DPEP1: variants seen among roughly 807,000 people sequenced by gnomAD.
DPEP1 encodes beta-lactamase.
In DPEP1, 50 loss-of-function variants were observed where a neutral mutation model predicts 42.3. The ratio of observed to expected loss-of-function variants is 1.18; its 90% confidence interval spans 0.94 to 1.50. The LOEUF is 1.50. DPEP1 is among the 40% of genes most tolerant of loss of function. DPEP1 has a pLI of 0.00. For synonymous variants in DPEP1, 297 were observed against 234.0 expected (o/e 1.27, Z -2.46); for missense variants, 663 against 553.0 (o/e 1.20, Z -1.99).
At chr16:89,634,628 CCCTTCCTTCCCTTT>C (rs2059639150) in intron 2 of DPEP1, among the ~76,000 whole-genome samples, 1 of 111,756 alleles carries the variant, frequency 8.9e-6, no homozygotes, top group Non-Finnish European at 1.8e-5. Flanking sequence ...CTTCTCCTTT[CCCTTCCTTCCCTTT>C]CCCTTCCTTC....
At position 89,638,323 on chromosome 16, in the gene DPEP1, G is replaced by C. The variant is rs1445675852; in HGVS notation, c.*101G>C. On this transcript the variant is annotated 3_prime_UTR_variant, in exon 11 of 11. Coordinates refer to ENST00000690203, the MANE Select transcript of DPEP1 (RefSeq NM_001389466.1). ...CAGGAGCCCTGCTGCCCACATGCAA[G>C]GACCAGCATCTCCTGAGAGGACGCC... 3 of 1,441,798 alleles carry C rather than the reference G, an allele frequency of 2.1e-6. No homozygotes were observed. The highest frequency in any genetic ancestry group is 5.0e-5 in the East Asian group (2 of 39,900). 89.3% of individuals were successfully genotyped at this position (1,441,798 alleles called of 1,614,324 possible). A position where few individuals can be genotyped will look rare whatever the true frequency, so the allele number is the denominator to read the frequency against.
intron 1 of DPEP1, among the ~76,000 whole-genome samples, chr16:89,624,381 T>C (rs1215410820): frequency 6.6e-6 from 1 of 152,030 alleles, no homozygotes; most frequent in African/African-American, 2.4e-5. Context: ...TGGACCGTAA[T>C]AGTCCATGTC....
In DPEP1 at chr16:89,635,953, G is replaced by T. The variant is rs1447890302; in HGVS notation, c.150G>T (p.Arg50=). 21 of 1,611,842 alleles carry T rather than the reference G, an allele frequency of 1.3e-5. No homozygotes were observed. The highest frequency in any genetic ancestry group is 1.6e-5 in the Non-Finnish European group (19 of 1,179,594). ...PWQLLDMFNN[R]LQDERANLTT... The stretch of plus-strand genomic sequence containing the variant: ...AGCTGCTGGATATGTTCAACAACCG[G>T]CTGCAGGACGAGAGGGCCAACCTGA... The change falls in exon 3 of 11, where the codon CGG becomes CGT. Residue 50 remains arginine (R), a synonymous_variant. Transcript: ENST00000690203.
In DPEP1 at chr16:89,638,402, T is replaced by C. The variant is rs2059712609; in HGVS notation, c.*180T>C. 1.5e-6 allele frequency: 2 copies of C among 1,356,894 alleles called. No individual in the cohort carries two copies. The highest frequency in any genetic ancestry group is 3.0e-5 in the African/African-American group (2 of 67,554). 84.1% of individuals were successfully genotyped at this position (1,356,894 alleles called of 1,614,324 possible). A position where few individuals can be genotyped will look rare whatever the true frequency, so the allele number is the denominator to read the frequency against. ...GGGACAGTTCAGGACACACACACAGTAGGCCCGCAATAAAAGCAACACCCC... is the reference window on the plus strand; with the variant it reads ...GGGACAGTTCAGGACACACACACAGCAGGCCCGCAATAAAAGCAACACCCC... On this transcript the variant is annotated 3_prime_UTR_variant, in exon 11 of 11. Coordinates refer to ENST00000690203, the MANE Select transcript of DPEP1 (RefSeq NM_001389466.1).
At chr16:89,636,741 C>T in intron 5 of DPEP1, 58 bp downstream of exon 5, 3 of 1,604,004 alleles carry the variant, frequency 1.9e-6, no homozygotes, top group Non-Finnish European at 1.7e-6. Flanking sequence ...GGGGCAGACA[C>T]TCCCTGCCAC....
At position 89,630,430 on chromosome 16, in the gene DPEP1, T is replaced by C. The variant is rs776314990; in HGVS notation, c.20T>C (p.Leu7Pro). The C allele has an allele frequency of 4.3e-6, 7 of 1,610,596 alleles. No homozygotes were observed. In the South Asian group the frequency reaches 7.7e-5, roughly 18 times the overall value. ...CCCACCATGTGGAGCGGATGGTGGC[T>C]GTGGCCCCTTGTGGCCGTCTGCACT... is the stretch of plus-strand genomic sequence containing the variant. MWSGWW[L>P]WPLVAVCTAD... The change falls in exon 2 of 11, where the codon CTG (leucine) becomes CCG (proline). Residue 7 changes from leucine (L) to proline (P), a missense_variant. By Grantham distance (98) the Leu-to-Pro change is moderately conservative. Transcript: ENST00000690203.
At chr16:89,636,073 G>C in intron 3 of DPEP1, 33 bp downstream of exon 3, 2 of 1,587,656 alleles carry the variant, frequency 1.3e-6, no homozygotes, top group Non-Finnish European at 1.7e-6. Context: ...CTTGCCCTGT[G>C]TGGGGTCATC....
intron 1 of DPEP1, among the ~76,000 whole-genome samples, chr16:89,628,478 G>A (rs528684671): frequency 2.0e-5 from 3 of 148,678 alleles, no homozygotes; most frequent in African/African-American, 5.0e-5. Context: ...GGCTGATCTC[G>A]AACTCCTGAC....
Position 89,637,689 on chromosome 16 carries a change from A to T in DPEP1, c.911A>T (p.Asp304Val), listed in dbSNP as rs1237980530. The T allele has an allele frequency of 6.2e-7, 1 of 1,612,810 alleles. No individual in the cohort carries two copies. The highest frequency in any genetic ancestry group is 1.1e-5 in the South Asian group (1 of 91,078). ...AGARAVGFGGDFDGVPRVPEG... is the reference protein window; with the variant it reads ...AGARAVGFGGVFDGVPRVPEG... Reference sequence around the variant, plus strand: ...GCCAGAGCCGTGGGTTTTGGTGGGGACTTTGATGGTGTTCCAAGGTAAGGG... The same window carrying T: ...GCCAGAGCCGTGGGTTTTGGTGGGGTCTTTGATGGTGTTCCAAGGTAAGGG... The change falls in exon 9 of 11, where the codon GAC (aspartate) becomes GTC (valine). Residue 304 changes from aspartate (D) to valine (V), a missense_variant. By Grantham distance (152) the Asp-to-Val change is radical. Coordinates refer to ENST00000690203, the MANE Select transcript of DPEP1 (RefSeq NM_001389466.1).
chr16:89,626,618 T>G (rs1302985514), intron 1 of DPEP1: 1 of 152,126 alleles, frequency 6.6e-6, no homozygotes, highest in Non-Finnish European at 1.5e-5. Flanking sequence ...CCAAAGTGCT[T>G]GGATCACGCG....
chr16:89,615,953 G>A (rs1264253154), intron 1 of DPEP1, among the ~76,000 whole-genome samples: 3 of 152,082 alleles, frequency 2.0e-5, no homozygotes, highest in Non-Finnish European at 2.9e-5. Flanking sequence ...GGGCTCAGGC[G>A]TCCCCTACGT....
chr16:89,616,714 G>A (rs192746416), intron 1 of DPEP1, among the ~76,000 whole-genome samples: 44 of 152,040 alleles, frequency 2.9e-4, no homozygotes, highest in Admixed American at 9.9e-4. Flanking sequence ...GAAGGGCAGT[G>A]CAAACGCACG....
chr16:89,640,648 C>T, downstream of DPEP1: 1 of 985,364 alleles, frequency 1.0e-6, no homozygotes, highest in Non-Finnish European at 1.2e-6. Context: ...GTCTGTTCCC[C>T]TCCCAGCCTG....
intron 2 of DPEP1, among the ~76,000 whole-genome samples, chr16:89,632,822 C>T (rs2059607010): frequency 6.6e-6 from 1 of 152,012 alleles, no homozygotes; most frequent in African/African-American, 2.4e-5. Flanking sequence ...CTTTGGGAGA[C>T]CGAGGTGGGA....
At chr16:89,635,776 G>T in intron 2 of DPEP1, 132 bp from the exon 3 acceptor site, 2 of 1,258,172 alleles carry the variant, frequency 1.6e-6, no homozygotes, top group Non-Finnish European at 2.1e-6. Flanking sequence ...TCACCCCCGC[G>T]GCCTAGACTT....
intron 1 of DPEP1, among the ~76,000 whole-genome samples, chr16:89,616,610 G>C (rs980194761): frequency 3.9e-5 from 6 of 152,314 alleles, no homozygotes; most frequent in African/African-American, 1.4e-4. Flanking sequence ...CAGGATTCCC[G>C]GGTGGCTTAA....
At chr16:89,615,325 C>G (rs2059370681) in intron 1 of DPEP1, among the ~76,000 whole-genome samples, 1 of 152,164 alleles carries the variant, frequency 6.6e-6, no homozygotes, top group African/African-American at 2.4e-5. Flanking sequence ...GCTCCCAGCT[C>G]CCACTGGGTA....
intron 1 of DPEP1, among the ~76,000 whole-genome samples, chr16:89,629,068 C>A (rs1165581979): frequency 6.6e-6 from 1 of 152,186 alleles, no homozygotes; most frequent in Non-Finnish European, 1.5e-5. Context: ...CTCAAGTGAT[C>A]CATCCGCTTC....
intron 6 of DPEP1, 45 bp downstream of exon 6, chr16:89,636,980 A>G (rs749518210): frequency 6.2e-7 from 1 of 1,604,722 alleles, no homozygotes; most frequent in Non-Finnish European, 8.5e-7. Context: ...GAGAAGGCAG[A>G]GGCCCTGGAG....
Sources: gnomAD v4.1 joint callset for allele counts (sites outside exome capture counted in the v4.1 genomes callset) on GRCh38, gnomAD v4.1.1 for gene constraint, MANE v1.5 for transcripts, NCBI Gene and HGNC (gene_info 2026-07-23, HGNC 2026-07-21) for gene names.